KLF8: variants seen among roughly 807,000 people sequenced by gnomAD.
KLF8 encodes KLF transcription factor 8, also known as Krueppel-like factor 8.
Under a neutral mutation model 18.2 loss-of-function variants are expected in KLF8, and 10 were observed. The observed-to-expected ratio is 0.55, with a 90% CI of 0.34 to 0.93. KLF8 has a LOEUF of 0.93. Among genes scored for constraint, KLF8 ranks in the 40% least tolerant of loss-of-function variants. KLF8 has a pLI of 0.02. For synonymous variants in KLF8, 109 were observed against 97.3 expected (o/e 1.12, Z -0.71); for missense variants, 264 against 277.9 (o/e 0.95, Z 0.36).
the KLF8 span, among the ~76,000 whole-genome samples, chrX:56,109,709 T>G: frequency 8.9e-6 from 1 of 112,089 alleles, no homozygotes; most frequent in African/African-American, 3.2e-5. Flanking sequence ...TCTTGTTAGA[T>G]TGACCTTTTA....
chrX:56,043,746 C>T, the KLF8 span, among the ~76,000 whole-genome samples: 1 of 112,457 alleles, frequency 8.9e-6, no homozygotes. Flanking sequence ...TGGGTTACCC[C>T]ATGCTCCTTT....
At chrX:56,153,348 C>G in the KLF8 span, among the ~76,000 whole-genome samples, 63 of 107,781 alleles carry the variant, frequency 5.8e-4, no homozygotes, top group African/African-American at 2.0e-3. Context: ...GAGAGGGACT[C>G]ATCTCAAGAA....
chrX:56,069,690 T>A, the KLF8 span, among the ~76,000 whole-genome samples: 1 of 111,118 alleles, frequency 9.0e-6, no homozygotes, highest in Non-Finnish European at 1.9e-5. Flanking sequence ...CCCACCCCCA[T>A]CTCCTGTAGC....
the KLF8 span, among the ~76,000 whole-genome samples, chrX:56,118,120 A>G: frequency 4.4e-4 from 49 of 111,706 alleles, no homozygotes; most frequent in African/African-American, 1.4e-3. Flanking sequence ...GGATTTCAAC[A>G]TAAGAATGAG....
chrX:56,179,969 C>T, the KLF8 span, among the ~76,000 whole-genome samples: 1 of 111,218 alleles, frequency 9.0e-6, no homozygotes, highest in Non-Finnish European at 1.9e-5. Flanking sequence ...TCTTGTGTCT[C>T]TGCCAGGCTT....
the KLF8 span, among the ~76,000 whole-genome samples, chrX:56,153,859 A>C: frequency 9.0e-6 from 1 of 111,534 alleles, no homozygotes; most frequent in Admixed American, 9.6e-5. Context: ...AATACCTAGG[A>C]ATCCAACTTA....
the KLF8 span, among the ~76,000 whole-genome samples, chrX:56,170,801 G>GA: frequency 1.8e-5 from 2 of 111,285 alleles, no homozygotes; most frequent in Non-Finnish European, 3.8e-5. Flanking sequence ...CCCTAAACTA[G>GA]AAAAAGATAT....
At chrX:56,255,267 C>A (rs2066775746) in intron 2 of KLF8, among the ~76,000 whole-genome samples, 1 of 112,820 alleles carries the variant, frequency 8.9e-6, no homozygotes, top group Admixed American at 9.3e-5. Context: ...ATTTTCTATA[C>A]TGCAGCTTTA....
At chrX:56,047,959 T>C in the KLF8 span, among the ~76,000 whole-genome samples, 3 of 112,086 alleles carry the variant, frequency 2.7e-5, no homozygotes, top group Admixed American at 1.9e-4. Flanking sequence ...ATTGCCATTC[T>C]AACTGGTGTG....
the KLF8 span, among the ~76,000 whole-genome samples, chrX:55,997,692 T>C: frequency 8.9e-6 from 1 of 111,828 alleles, no homozygotes; most frequent in Non-Finnish European, 1.9e-5. Flanking sequence ...CTTGGCTGCA[T>C]ACAGTCAGCA....
chrX:56,131,903 TA>T, the KLF8 span, among the ~76,000 whole-genome samples: 1 of 112,205 alleles, frequency 8.9e-6, no homozygotes. Context: ...AGGGATATTA[TA>T]TAATGATAAA....
the KLF8 span, among the ~76,000 whole-genome samples, chrX:56,058,281 T>C: frequency 0.012 from 166 of 14,326 alleles, 3 homozygotes; most frequent in African/African-American, 0.046. Context: ...TATATATACA[T>C]ATATATATAT....
At chrX:56,022,193 T>G in the KLF8 span, among the ~76,000 whole-genome samples, 6 of 110,879 alleles carry the variant, frequency 5.4e-5, no homozygotes, top group East Asian at 1.7e-3. Flanking sequence ...AGAATCAATG[T>G]TTTCAGAACT....
At chrX:55,977,486 G>A in the KLF8 span, among the ~76,000 whole-genome samples, 1 of 62,440 alleles carries the variant, frequency 1.6e-5, no homozygotes, top group Non-Finnish European at 4.0e-5. Flanking sequence ...CCCTTGCAAT[G>A]CATCCTTCGT....
chrX:56,234,745 G>A (rs12392389), intron 1 of KLF8, among the ~76,000 whole-genome samples: 3,199 of 112,370 alleles, frequency 0.028, 130 homozygotes, highest in African/African-American at 0.098. Context: ...ACAAGTGATA[G>A]GTAAATGACC....
the KLF8 span, among the ~76,000 whole-genome samples, chrX:56,103,114 C>A: frequency 3.6e-5 from 4 of 109,858 alleles, no homozygotes; most frequent in Non-Finnish European, 5.7e-5. Flanking sequence ...GTTACTGTAG[C>A]CTTGTAGTAT....
the KLF8 span, among the ~76,000 whole-genome samples, chrX:56,006,186 C>T: frequency 1.8e-5 from 2 of 112,411 alleles, no homozygotes; most frequent in Non-Finnish European, 3.8e-5. Flanking sequence ...TCTCCACAGC[C>T]TGGAGTCCTG....
chrX:56,078,962 T>A, the KLF8 span, among the ~76,000 whole-genome samples: 1 of 107,634 alleles, frequency 9.3e-6, no homozygotes, highest in Non-Finnish European at 2.0e-5. Flanking sequence ...GATGGTAGTT[T>A]GTATTTCTGT....
At chrX:56,041,692 T>C in the KLF8 span, among the ~76,000 whole-genome samples, 1 of 109,971 alleles carries the variant, frequency 9.1e-6, no homozygotes, top group Non-Finnish European at 1.9e-5. Flanking sequence ...GTTGTTGTTG[T>C]TGTTGTTGTT....
Sources: allele counts gnomAD v4.1 joint callset (sites outside exome capture counted in the v4.1 genomes callset), GRCh38; gene constraint gnomAD v4.1.1; transcripts MANE v1.5; gene names NCBI Gene and HGNC (gene_info 2026-07-23, HGNC 2026-07-21).